The following NOMO1 variants were observed in gnomAD, a reference collection of about 807,000 sequenced individuals.
NOMO1 encodes the protein NODAL modulator 1.
Under a neutral mutation model 133.8 loss-of-function variants are expected in NOMO1, and 40 were observed. That is an observed-to-expected ratio of 0.30 (90% CI 0.23 to 0.39). NOMO1 has a LOEUF of 0.39. NOMO1 is among the 10% of genes least tolerant of loss of function. The pLI is 1.00. For synonymous variants in NOMO1, 236 were observed against 570.5 expected, an observed-to-expected ratio of 0.41 and a Z score of 8.36; for missense variants, 462 against 1,419.9, an observed-to-expected ratio of 0.33 and a Z score of 10.84.
chr16:14,887,859 T>C (rs895270271), intron 28 of NOMO1, among the ~76,000 whole-genome samples: 8 of 151,622 alleles, frequency 5.3e-5, no homozygotes, highest in African/African-American at 1.9e-4. Flanking sequence ...GAGTTGCTTT[T>C]CTCTTGCTGC....
rs536783925 is a variant in NOMO1 at position 14,836,569 on chromosome 16, G to C, written c.166-1838G>C. 3.6e-3 allele frequency among the ~76,000 whole-genome samples: 549 copies of C among 151,876 alleles called. 9 individuals carry two copies. The highest frequency in any genetic ancestry group is 6.8e-3 in the Non-Finnish European group (463 of 67,912). Reference sequence around the variant, plus strand: ...ATGGAAACTGAGCCTCAGAGTGGTTGAGCTGTGCAGGTACATTTAGGAAAT... The same window carrying C: ...ATGGAAACTGAGCCTCAGAGTGGTTCAGCTGTGCAGGTACATTTAGGAAAT... On this transcript the variant is annotated intron_variant, in intron 1 of 30. Transcript: ENST00000287667.
At chr16:14,861,717 G>A (rs1394428913) in intron 11 of NOMO1, among the ~76,000 whole-genome samples, 3 of 151,454 alleles carry the variant, frequency 2.0e-5, no homozygotes, top group Non-Finnish European at 2.9e-5. Flanking sequence ...CGGTCTCTAG[G>A]ACAACAGCTG....
Position 14,857,645 on chromosome 16 carries a change from A to C in NOMO1, c.1210A>C (p.Ile404Leu), listed in dbSNP as rs2561962. 3 of 1,613,716 alleles carry C rather than the reference A, an allele frequency of 1.9e-6. No individual in the cohort carries two copies. Among genetic ancestry groups the C allele is most frequent in the Admixed American group, 3.3e-5 (2 of 60,000 alleles). ...GAACACACCTCAGCTGGCTGACATT[A>C]TTGCAACAGGGTAAGCTTATCGTGT... The part of the protein sequence containing the change: ...APNTPQLADI[I>L]ATGFSVCGQI... The change falls in exon 11 of 31, where the codon ATT becomes CTT. Residue 404 changes from isoleucine to leucine, a missense_variant. Transcript: ENST00000287667.
chr16:14,840,859 G>A (rs1204292881), intron 2 of NOMO1, among the ~76,000 whole-genome samples: 4 of 149,334 alleles, frequency 2.7e-5, no homozygotes, highest in Admixed American at 1.3e-4. Context: ...TACAGATGGG[G>A]TCTTGCTATG....
chr16:14,894,933 G>T (rs1964461791), intron 29 of NOMO1, 65 bp from the exon 30 acceptor site: 9 of 1,611,890 alleles, frequency 5.6e-6, no homozygotes, highest in East Asian at 2.2e-5. Context: ...GGTGGCTGTG[G>T]CATTGTGGAT....
intron 18 of NOMO1, among the ~76,000 whole-genome samples, chr16:14,874,552 C>T (rs981408913): frequency 6.6e-6 from 1 of 152,076 alleles, no homozygotes; most frequent in African/African-American, 2.4e-5. Flanking sequence ...TCTTCCCACA[C>T]TGCTTTATTT....
At chr16:14,860,830 A>G (rs934368909) in intron 11 of NOMO1, among the ~76,000 whole-genome samples, 1 of 152,000 alleles carries the variant, frequency 6.6e-6, no homozygotes, top group African/African-American at 2.4e-5. Flanking sequence ...TTTTTAGCAC[A>G]CTGATACTTC....
At chr16:14,836,010 A>G (rs564233309) in intron 1 of NOMO1, among the ~76,000 whole-genome samples, 2 of 152,152 alleles carry the variant, frequency 1.3e-5, no homozygotes, top group South Asian at 2.1e-4. Context: ...TGTTAAAAAA[A>G]AAAAATTATA....
intron 1 of NOMO1, among the ~76,000 whole-genome samples, chr16:14,834,799 T>G: frequency 1.6e-5 from 2 of 125,240 alleles, no homozygotes; most frequent in Admixed American, 8.4e-5. Flanking sequence ...TGGATGGAGG[T>G]AGGGGCAGAA....
rs777784668 is a variant in NOMO1 at position 14,875,046 on chromosome 16, G to A, written c.2065G>A (p.Asp689Asn). ...CCGTCTTTCTTCTAGGTCTTCCATC[G>A]ACAGTGAACCCGCCTTGGTCTTAGG... ...DVTVTIKSSI[D>N]SEPALVLGPL... The change falls in exon 19 of 31, where the codon GAC becomes AAC. Residue 689 changes from aspartate to asparagine, a missense_variant. Coordinates refer to ENST00000287667, the MANE Select transcript of NOMO1 (RefSeq NM_014287.4). The A allele has an allele frequency of 1.7e-5, 28 of 1,613,674 alleles. No individual in the cohort carries two copies. The highest frequency in any genetic ancestry group is 2.2e-5 in the Non-Finnish European group (26 of 1,179,864).
intron 15 of NOMO1, among the ~76,000 whole-genome samples, chr16:14,867,723 C>T (rs1964024709): frequency 1.3e-5 from 2 of 148,582 alleles, no homozygotes; most frequent in Non-Finnish European, 3.0e-5. Context: ...AGAATTGGAA[C>T]TGGTGTTTCA....
At chr16:14,860,938 T>C (rs1416508583) in intron 11 of NOMO1, among the ~76,000 whole-genome samples, 3 of 149,324 alleles carry the variant, frequency 2.0e-5, no homozygotes, top group Non-Finnish European at 4.5e-5. Flanking sequence ...CACTGCAGCC[T>C]CCGCCTCTCG....
intron 11 of NOMO1, 35 bp from the exon 12 acceptor site, chr16:14,862,978 T>G: frequency 6.2e-7 from 1 of 1,609,772 alleles, no homozygotes; most frequent in Non-Finnish European, 8.5e-7. Context: ...TATAATTGAG[T>G]CCTCGTGCTG....
chr16:14,858,750 C>A (rs1370729244), intron 11 of NOMO1, among the ~76,000 whole-genome samples: 2 of 152,056 alleles, frequency 1.3e-5, no homozygotes, highest in African/African-American at 4.8e-5. Flanking sequence ...ATATAACAAG[C>A]TTTGATCATT....
intron 28 of NOMO1, chr16:14,888,164 G>GTGAC (rs1646687364): frequency 1.4e-5 from 2 of 148,000 alleles, no homozygotes. Flanking sequence ...AGCCTAGAGG[G>GTGAC]TGACGTTTCC....
rs148269042 is a variant in NOMO1 at position 14,853,576 on chromosome 16, A to G, written c.845A>G (p.Tyr282Cys). The change falls in exon 8 of 31, where the codon TAT becomes TGT. Residue 282 changes from tyrosine (Y) to cysteine (C), a missense_variant. By Grantham distance (194) the Tyr-to-Cys change is radical. Transcript: ENST00000287667. ...AGAGAAGATGGCTCGTTCTCTTTCT[A>G]TTCCTTGCCAAGTGGGGGCTACACT... is the stretch of plus-strand genomic sequence containing the variant. ...VSREDGSFSF[Y>C]SLPSGGYTVI... 1.5e-4 allele frequency: 248 copies of G among 1,610,812 alleles called. 3 individuals are homozygous for G. In the Middle Eastern group the frequency reaches 2.7e-3, roughly 18 times the overall value.
At chr16:14,851,310 T>C (rs1963755987) in intron 6 of NOMO1, among the ~76,000 whole-genome samples, 1 of 151,946 alleles carries the variant, frequency 6.6e-6, no homozygotes, top group South Asian at 2.1e-4. Context: ...TCTGGCTTGC[T>C]GGTGCTATTC....
At chr16:14,850,880 G>A (rs1350819616) in intron 6 of NOMO1, among the ~76,000 whole-genome samples, 3 of 151,658 alleles carry the variant, frequency 2.0e-5, no homozygotes, top group African/African-American at 7.3e-5. Context: ...TCAGGAGTTT[G>A]AGACCAACCT....
At position 14,836,502 on chromosome 16, in the gene NOMO1, G is replaced by C. The variant is rs1963511883; in HGVS notation, c.166-1905G>C. The stretch of plus-strand genomic sequence containing the variant: ...TAGAGCATTAACATTTTGGAGGTGA[G>C]GCTTTTAGGTGCATCAGACCCAACT... On this transcript the variant is annotated intron_variant, in intron 1 of 30. Coordinates refer to ENST00000287667, the MANE Select transcript of NOMO1 (RefSeq NM_014287.4). 2.0e-5 allele frequency among the ~76,000 whole-genome samples: 3 copies of C among 151,984 alleles called. No homozygotes were observed. In the South Asian group the frequency reaches 6.2e-4, roughly 32 times the overall value.
Sources: allele counts gnomAD v4.1 joint callset (sites outside exome capture counted in the v4.1 genomes callset), GRCh38; gene constraint gnomAD v4.1.1; transcripts MANE v1.5; gene names NCBI Gene and HGNC (gene_info 2026-07-23, HGNC 2026-07-21).